The following ZFP2 variants were observed in gnomAD, a reference collection of about 807,000 sequenced individuals.
ZFP2 encodes the protein zinc finger protein ZFP2.
Under a neutral mutation model 36.1 loss-of-function variants are expected in ZFP2, and 33 were observed. The observed-to-expected ratio is 0.92, with a 90% CI of 0.69 to 1.22. The LOEUF (loss-of-function observed/expected upper bound fraction) is 1.22. ZFP2 is among the 50% of genes most tolerant of loss of function. The pLI is 0.00. For missense variants in ZFP2, 522 were observed against 551.4 expected, an observed-to-expected ratio of 0.95 and a Z score of 0.53; for synonymous variants, 170 against 178.0, an observed-to-expected ratio of 0.96 and a Z score of 0.36.
At chr5:178,920,636 CAAAAAAA>C (rs373794810) in intron 4 of ZFP2, among the ~76,000 whole-genome samples, 1 of 118,480 alleles carries the variant, frequency 8.4e-6, no homozygotes, top group Admixed American at 8.9e-5. Context: ...GACTTCGTCT[CAAAAAAA>C]AAAAAAAAAT....
At chr5:178,928,902 A>G (rs958112037) in intron 4 of ZFP2, among the ~76,000 whole-genome samples, 6 of 152,186 alleles carry the variant, frequency 3.9e-5, no homozygotes, top group Non-Finnish European at 8.8e-5. Context: ...GCTTTTCTAT[A>G]CATCCTCTGA....
chr5:178,925,360 C>A (rs1018102825), intron 4 of ZFP2, among the ~76,000 whole-genome samples: 1 of 148,856 alleles, frequency 6.7e-6, no homozygotes, highest in African/African-American at 2.4e-5. Context: ...TGTGAAGAAT[C>A]ATGAATTCTC....
In ZFP2 at chr5:178,931,830, C is replaced by T. The variant is rs996395107; in HGVS notation, c.517C>T (p.Leu173Phe). 5 of 1,612,552 alleles carry T rather than the reference C, an allele frequency of 3.1e-6. No homozygotes were observed. The highest frequency in any genetic ancestry group is 4.2e-6 in the Non-Finnish European group (5 of 1,178,784). The stretch of plus-strand genomic sequence containing the variant: ...GAAAGCCTTTAGTCAGAGCATGAAT[C>T]TTACTGTCCATCAACGAACTCACAC... ...CGKAFSQSMN[L>F]TVHQRTHTGE... The change falls in exon 5 of 5, where the codon CTT becomes TTT. Residue 173 changes from leucine (L) to phenylalanine (F), a missense_variant. Coordinates refer to ENST00000361362, the MANE Select transcript of ZFP2 (RefSeq NM_030613.4).
chr5:178,927,562 T>C (rs551409586), intron 4 of ZFP2, among the ~76,000 whole-genome samples: 21 of 151,030 alleles, frequency 1.4e-4, no homozygotes, highest in Middle Eastern at 3.4e-3. Context: ...GATGGCACAA[T>C]CTCAGCTCAC....
chr5:178,918,114 CACTT>C (rs1330535666), intron 4 of ZFP2, among the ~76,000 whole-genome samples: 4 of 152,110 alleles, frequency 2.6e-5, no homozygotes, highest in African/African-American at 9.7e-5. Flanking sequence ...TAAGGTATAC[CACTT>C]ACTTATTGTC....
In ZFP2 at chr5:178,910,223, C is replaced by T. The variant is rs1050549290; in HGVS notation, c.-449-2361C>T. 20 of 1,580,656 alleles carry T rather than the reference C, an allele frequency of 1.3e-5. No homozygotes were observed. In the South Asian group the frequency reaches 2.1e-4, roughly 17 times the overall value. On this transcript the variant is annotated intron_variant, in intron 1 of 4. Transcript: ENST00000361362. Reference sequence around the variant, plus strand: ...TGCACATGGTTGCAGCCTGGAACTTCCAAGCCAAGAGCAGCACTCGGAATT... The same window carrying T: ...TGCACATGGTTGCAGCCTGGAACTTTCAAGCCAAGAGCAGCACTCGGAATT...
intron 4 of ZFP2, among the ~76,000 whole-genome samples, chr5:178,926,247 C>A (rs992728888): frequency 7.1e-6 from 1 of 140,044 alleles, no homozygotes; most frequent in African/African-American, 2.5e-5. Flanking sequence ...TTTTTCTTCT[C>A]ATTCTCTGTT....
At chr5:178,910,349 C>A in intron 1 of ZFP2, 3 of 1,097,096 alleles carry the variant, frequency 2.7e-6, no homozygotes, top group Admixed American at 3.4e-5. Flanking sequence ...GTTCTTCCAA[C>A]CCCTGCAAGG....
chr5:178,914,693 G>A (rs1758381178), intron 3 of ZFP2, among the ~76,000 whole-genome samples: 1 of 152,176 alleles, frequency 6.6e-6, no homozygotes, highest in Non-Finnish European at 1.5e-5. Context: ...GAGGCAGGAA[G>A]GGAGGAAATG....
At chr5:178,927,662 A>AGTGTGTGT (rs1561684956) in intron 4 of ZFP2, among the ~76,000 whole-genome samples, 9 of 100,850 alleles carry the variant, frequency 8.9e-5, no homozygotes, top group African/African-American at 3.4e-4. Flanking sequence ...ATACCTGGCC[A>AGTGTGTGT]ATGTGTGTGT....
chr5:178,914,852 C>T (rs528451888), intron 3 of ZFP2, among the ~76,000 whole-genome samples: 1 of 152,222 alleles, frequency 6.6e-6, no homozygotes, highest in Admixed American at 6.5e-5. Flanking sequence ...CATGGGAGAA[C>T]ATTGAGGACA....
At position 178,933,025 on chromosome 5, in the gene ZFP2, T is replaced by A; in HGVS notation, c.*326T>A. ...TACACTGGAGAGAAAAATGTGAGAG[T>A]GTTTAACTGGACAGCCCAGAGACCT... On this transcript the variant is annotated 3_prime_UTR_variant, in exon 5 of 5. Transcript: ENST00000361362. 1 of 228,546 alleles carries A rather than the reference T, an allele frequency of 4.4e-6. No homozygotes were observed. The highest frequency in any genetic ancestry group is 1.2e-4 in the East Asian group (1 of 8,632). The allele number at this position is 228,546 out of a possible 1,614,324, so 14.2% of individuals were successfully genotyped here.
intron 1 of ZFP2, among the ~76,000 whole-genome samples, chr5:178,897,053 T>TTC (rs70997648): frequency 6.6e-6 from 1 of 151,776 alleles, no homozygotes; most frequent in Non-Finnish European, 1.5e-5. Context: ...TTTTTTTTTT[T>TTC]CAGTATTATA....
At position 178,932,203 on chromosome 5, in the gene ZFP2, C is replaced by T; in HGVS notation, c.890C>T (p.Pro297Leu). Residue 297 changes from proline to leucine, a missense_variant, in exon 5 of 5, where the codon CCT becomes CTT. Coordinates refer to ENST00000361362, the MANE Select transcript of ZFP2 (RefSeq NM_030613.4). ...LHQRNHTGEK[P>L]YKCNKCGKSF... ...CAGCGAAATCACACTGGAGAAAAACCTTACAAATGTAACAAATGCGGGAAA... is the reference window on the plus strand; with the variant it reads ...CAGCGAAATCACACTGGAGAAAAACTTTACAAATGTAACAAATGCGGGAAA... 1 of 1,614,110 alleles carries T rather than the reference C, an allele frequency of 6.2e-7. No individual in the cohort carries two copies. Among genetic ancestry groups the T allele is most frequent in the Non-Finnish European group, 8.5e-7 (1 of 1,180,026 alleles).
rs1482749521 is a variant in ZFP2, at chr5:178,921,397, G to GA, written c.-78+4691dup. Among the ~76,000 whole-genome samples the GA allele has an allele frequency of 2.3e-5, 3 of 127,774 alleles. No individual in the cohort carries two copies. The East Asian group carries it at 5.8e-4, about 25-fold the overall frequency. 83.8% of individuals were successfully genotyped at this position (127,774 alleles called of 152,430 possible). ...TAGAGCCAAGCAGCAGGAGGACAAA[G>GA]AAAAGATGATGAAGTGGGGCTTCTT... On this transcript the variant is annotated intron_variant, in intron 4 of 4. Transcript: ENST00000361362.
intron 1 of ZFP2, among the ~76,000 whole-genome samples, chr5:178,899,367 A>C (rs1016623567): frequency 6.6e-6 from 1 of 152,228 alleles, no homozygotes; most frequent in South Asian, 2.1e-4. Flanking sequence ...AAATAAAATA[A>C]TAAAAGTAAA....
chr5:178,932,455 C>A lies in ZFP2; in HGVS notation c.1142C>A (p.Pro381His), dbSNP rs557542671. Residue 381 changes from proline to histidine, a missense_variant, in exon 5 of 5, where the codon CCT (proline) becomes CAT (histidine). Transcript: ENST00000361362. Reference sequence around the variant, plus strand: ...CAGGTCATTCACACTGGAGAGAAACCTTATGAGTGCAATGAATGTGGAAAG... The same window carrying A: ...CAGGTCATTCACACTGGAGAGAAACATTATGAGTGCAATGAATGTGGAAAG... ...VHQVIHTGEK[P>H]YECNECGKAF... The A allele has an allele frequency of 6.2e-7, 1 of 1,614,092 alleles. No individual in the cohort carries two copies. Among genetic ancestry groups the A allele is most frequent in the East Asian group, 2.2e-5 (1 of 44,878 alleles).
intron 1 of ZFP2, chr5:178,910,319 A>C (rs1649565061): frequency 1.7e-6 from 2 of 1,204,304 alleles, no homozygotes; most frequent in African/African-American, 1.5e-5. Flanking sequence ...CTTCCCACTC[A>C]TCCTTGTAGC....
chr5:178,932,376 GA>G lies in ZFP2; in HGVS notation c.1064del (p.Glu355GlyfsTer119). On this transcript the variant is annotated frameshift_variant, in exon 5 of 5. Coordinates refer to ENST00000361362, the MANE Select transcript of ZFP2 (RefSeq NM_030613.4). LOFTEE classifies it high-confidence loss of function. Reference sequence around the variant, plus strand: ...AATTCACACTGGAGAGAAACCTTATGAGTGTATGGTGTGTGGAAAACATTTC... The same window carrying G: ...AATTCACACTGGAGAGAAACCTTATGGTGTATGGTGTGTGGAAAACATTTC... ...RRIHTGEKPYECMVCGKHFTG... is the reference protein window; with the variant it reads ...RRIHTGEKPYXCMVCGKHFTG... The G allele has an allele frequency of 6.2e-7, 1 of 1,614,078 alleles. No individual in the cohort carries two copies. Among genetic ancestry groups the G allele is most frequent in the Non-Finnish European group, 8.5e-7 (1 of 1,180,024 alleles).
Sources: allele counts gnomAD v4.1 joint callset (sites outside exome capture counted in the v4.1 genomes callset), GRCh38; gene constraint gnomAD v4.1.1; transcripts MANE v1.5; gene names NCBI Gene and HGNC (gene_info 2026-07-23, HGNC 2026-07-21).